Variants in PCDHA2 observed in about 807,000 individuals in gnomAD.
PCDHA2 encodes protocadherin alpha-2.
In PCDHA2, 58 loss-of-function variants were observed where a neutral mutation model predicts 66.0. The observed-to-expected ratio is 0.88, with a 90% CI of 0.71 to 1.09. The LOEUF (loss-of-function observed/expected upper bound fraction) is 1.09, where lower values mean the gene tolerates loss of function less well. Among genes scored for constraint, PCDHA2 ranks in the 50% least tolerant of loss-of-function variants. The pLI is 0.00. For missense variants in PCDHA2, 1,267 were observed against 1,242.3 expected, an observed-to-expected ratio of 1.02 and a Z score of -0.30; for synonymous variants, 634 against 554.0, an observed-to-expected ratio of 1.14 and a Z score of -2.03.
At chr5:140,967,976 C>G in intron 1 of PCDHA2, 14 of 1,614,222 alleles carry the variant, frequency 8.7e-6, no homozygotes, top group Non-Finnish European at 1.2e-5. Context: ...GAGCCTGGGT[C>G]TGGAGGCCAC....
intron 1 of PCDHA2, chr5:140,883,655 T>C (rs782178754): frequency 6.2e-7 from 1 of 1,613,114 alleles, no homozygotes; most frequent in Non-Finnish European, 8.5e-7. Context: ...GTACACGGTG[T>C]TCGTGAAGGA....
At chr5:140,984,441 T>A (rs1554246265) in intron 3 of PCDHA2, among the ~76,000 whole-genome samples, 3 of 152,200 alleles carry the variant, frequency 2.0e-5, no homozygotes, top group Admixed American at 6.5e-5. Context: ...TCTCCCTTGT[T>A]CCCTTTCTTA....
chr5:140,795,941 G>A lies in PCDHA2; in HGVS notation c.977G>A (p.Gly326Glu). 6.2e-7 allele frequency: 1 copy of A among 1,613,914 alleles called. No individual in the cohort carries two copies. The change falls in exon 1 of 4, where the codon GGA becomes GAA. Residue 326 changes from glycine to glutamate, a missense_variant. Coordinates refer to ENST00000526136, the MANE Select transcript of PCDHA2 (RefSeq NM_018905.3). ...YEIQVTATDK[G>E]TPSMSGHCKI... Reference sequence around the variant, plus strand: ...ATTCAGGTCACTGCAACTGACAAAGGAACCCCTTCAATGTCAGGACATTGT... The same window carrying A: ...ATTCAGGTCACTGCAACTGACAAAGAAACCCCTTCAATGTCAGGACATTGT...
intron 3 of PCDHA2, among the ~76,000 whole-genome samples, chr5:141,000,385 CTCTCTCTCTCTATATA>C (rs1454405199): frequency 1.1e-4 from 7 of 64,984 alleles, no homozygotes; most frequent in African/African-American, 4.8e-4. Flanking sequence ...CTCTCTCTCT[CTCTCTCTCTCTATATA>C]TATATATATA....
intron 1 of PCDHA2, chr5:140,822,175 A>T: frequency 6.2e-7 from 1 of 1,614,258 alleles, no homozygotes; most frequent in Non-Finnish European, 8.5e-7. Context: ...CAGGTTCTCC[A>T]GACAAGAACA....
chr5:140,809,323 G>A lies in PCDHA2; in HGVS notation c.2388+11971G>A, dbSNP rs145154617. 2.2e-4 allele frequency: 363 copies of A among 1,614,098 alleles called. 1 individual carries two copies. In the African/African-American group the frequency reaches 3.9e-3, roughly 17 times the overall value. On this transcript the variant is annotated intron_variant, in intron 1 of 3. Coordinates refer to ENST00000526136, the MANE Select transcript of PCDHA2 (RefSeq NM_018905.3). ...TCTGCGCGGTGTCCAGCCTTTTGGT[G>A]CTCACGCTGCTGCTGTACACCGCGC...
chr5:140,805,034 G>T, intron 1 of PCDHA2: 1 of 1,583,680 alleles, frequency 6.3e-7, no homozygotes, highest in Non-Finnish European at 8.5e-7. Context: ...ATATAATAGA[G>T]TCAGCCAAAG....
At chr5:140,870,219 C>A (rs1188426625) in intron 1 of PCDHA2, 2 of 1,614,034 alleles carry the variant, frequency 1.2e-6, no homozygotes, top group Non-Finnish European at 1.7e-6. Flanking sequence ...CCCTGATCAG[C>A]GTGTCTGACC....
Position 140,842,387 on chromosome 5 carries a change from T to G in PCDHA2, c.2388+45035T>G, listed in dbSNP as rs2150335066. Reference sequence around the variant, plus strand: ...CCCTGAGATAGCACTGACTTCCTTATCCTTGCCTGTACGTGAAGACGCTCA... The same window carrying G: ...CCCTGAGATAGCACTGACTTCCTTAGCCTTGCCTGTACGTGAAGACGCTCA... On this transcript the variant is annotated intron_variant, in intron 1 of 3. Transcript: ENST00000526136. 4.3e-6 allele frequency: 7 copies of G among 1,611,016 alleles called. No individual in the cohort carries two copies. In the East Asian group the frequency reaches 1.6e-4, roughly 36 times the overall value.
intron 3 of PCDHA2, among the ~76,000 whole-genome samples, chr5:141,002,322 G>A (rs1477526091): frequency 6.6e-6 from 1 of 152,190 alleles, no homozygotes; most frequent in South Asian, 2.1e-4. Context: ...CCTGGAGGCC[G>A]GGCTGCATCC....
At chr5:140,843,169 C>T in intron 1 of PCDHA2, 1 of 1,596,092 alleles carries the variant, frequency 6.3e-7, no homozygotes, top group Non-Finnish European at 8.6e-7. Flanking sequence ...CAGCTGCAAG[C>T]AGCCCTCGCA....
In PCDHA2 at chr5:140,870,563, C is replaced by G. The variant is rs1333019449; in HGVS notation, c.2388+73211C>G. The G allele has an allele frequency of 6.2e-6, 10 of 1,613,994 alleles. No individual in the cohort carries two copies. Among genetic ancestry groups the G allele is most frequent in the Non-Finnish European group, 8.5e-6 (10 of 1,179,984 alleles). ...CGGGACGCGGACGCGCAGGAGAACG[C>G]GCTGGTGTCCTACTCGCTGGTGGAG... On this transcript the variant is annotated intron_variant, in intron 1 of 3. Transcript: ENST00000526136.
intron 1 of PCDHA2, chr5:140,862,291 C>A (rs1029513176): frequency 7.5e-6 from 2 of 265,238 alleles, no homozygotes; most frequent in Admixed American, 4.8e-5. Flanking sequence ...TACAGGAGGA[C>A]GCTCCACTGG....
At position 140,856,335 on chromosome 5, in the gene PCDHA2, G is replaced by C; in HGVS notation, c.2388+58983G>C. ...CGGATTGACCGCGAGGAGCTGTGCG[G>C]GCGGAGCGTGGAGTGCAGCATCCAC... On this transcript the variant is annotated intron_variant, in intron 1 of 3. Transcript: ENST00000526136. 3 of 1,598,610 alleles carry C rather than the reference G, an allele frequency of 1.9e-6. 1 individual carries two copies. The highest frequency in any genetic ancestry group is 2.6e-6 in the Non-Finnish European group (3 of 1,168,024).
At chr5:140,869,781 T>G in intron 1 of PCDHA2, 1 of 1,612,992 alleles carries the variant, frequency 6.2e-7, no homozygotes, top group African/African-American at 1.3e-5. Context: ...CTGGCACCGT[T>G]CGGCTGTTAG....
chr5:140,998,491 A>G (rs994652769), intron 3 of PCDHA2, among the ~76,000 whole-genome samples: 15 of 152,288 alleles, frequency 9.8e-5, no homozygotes, highest in African/African-American at 3.1e-4. Flanking sequence ...TAACTCTTTG[A>G]GAACAGGGTA....
intron 1 of PCDHA2, among the ~76,000 whole-genome samples, chr5:140,972,660 A>ATTTTT (rs11350929): frequency 8.5e-5 from 10 of 117,262 alleles, no homozygotes; most frequent in Non-Finnish European, 1.6e-4. Context: ...AAGAAACCAA[A>ATTTTT]TTTTTTTTTT....
chr5:140,869,896 A>T (rs781921753), intron 1 of PCDHA2: 7 of 1,610,768 alleles, frequency 4.3e-6, no homozygotes, highest in Non-Finnish European at 4.2e-6. Context: ...GCTCAAACTA[A>T]ACGCCACAGA....
chr5:140,874,266 T>C (rs1554167103), intron 1 of PCDHA2, among the ~76,000 whole-genome samples: 2 of 152,222 alleles, frequency 1.3e-5, no homozygotes, highest in Admixed American at 1.3e-4. Context: ...TTGACTTGAG[T>C]ATTAATAGAC....
Sources: allele counts gnomAD v4.1 joint callset (sites outside exome capture counted in the v4.1 genomes callset), GRCh38; gene constraint gnomAD v4.1.1; transcripts MANE v1.5; gene names NCBI Gene and HGNC (gene_info 2026-07-23, HGNC 2026-07-21).